The following CFAP74 variants were observed in gnomAD, a reference collection of about 807,000 sequenced individuals.
CFAP74 encodes cilia- and flagella-associated protein 74.
CFAP74 carries 124 observed loss-of-function variants against 188.9 expected under a neutral mutation model. The ratio of observed to expected loss-of-function variants is 0.66; its 90% CI spans 0.57 to 0.76. CFAP74 has a LOEUF of 0.76. Among genes scored for constraint, CFAP74 ranks in the 30% least tolerant of loss-of-function variants. The pLI, the probability that CFAP74 is intolerant of heterozygous loss-of-function variation, is 0.00. For missense variants in CFAP74, 2,198 were observed against 2,165.2 expected, an observed-to-expected ratio of 1.02 and a Z score of -0.30; for synonymous variants, 956 against 916.7, an observed-to-expected ratio of 1.04 and a Z score of -0.77.
intron 1 of CFAP74, among the ~76,000 whole-genome samples, chr1:1,992,596 C>A (rs1011142915): frequency 2.6e-4 from 40 of 151,814 alleles, no homozygotes; most frequent in Non-Finnish European, 5.1e-4. Context: ...GTCTCAGCCT[C>A]CCGAGTAGCT....
intron 18 of CFAP74, chr1:1,954,924 G>A (rs1331260255): frequency 1.7e-6 from 2 of 1,192,580 alleles, no homozygotes; most frequent in Non-Finnish European, 2.1e-6. Flanking sequence ...GCAACAGTGT[G>A]TACCACGAAC....
chr1:1,972,051 C>T lies in CFAP74; in HGVS notation c.817G>A (p.Glu273Lys). Reference sequence around the variant, plus strand: ...CGTCGCCTCATGTACTCGTGGCACTCCATCTCCTCCTTCTTCTCTTGCTCT... The same window carrying T: ...CGTCGCCTCATGTACTCGTGGCACTTCATCTCCTCCTTCTTCTCTTGCTCT... ...IREQEKKEEMECHEYMRRRMD... is the reference protein window; with the variant it reads ...IREQEKKEEMKCHEYMRRRMD... The change falls in exon 9 of 39, where the codon GAG becomes AAG. Residue 273 changes from glutamate (E) to lysine (K), a missense_variant. Coordinates refer to ENST00000682832, the MANE Select transcript of CFAP74 (RefSeq NM_001304360.2). The T allele has an allele frequency of 6.2e-7, 1 of 1,612,998 alleles. No homozygotes were observed. The highest frequency in any genetic ancestry group is 8.5e-7 in the Non-Finnish European group (1 of 1,179,938).
chr1:1,936,902 GT>G (rs1652934802), intron 25 of CFAP74, among the ~76,000 whole-genome samples: 2 of 102,326 alleles, frequency 2.0e-5, no homozygotes, highest in Non-Finnish European at 4.4e-5. Context: ...GCAAGACCCT[GT>G]CTCAAAAAAA....
intron 6 of CFAP74, among the ~76,000 whole-genome samples, chr1:1,982,298 C>T (rs533069096): frequency 4.4e-4 from 57 of 130,016 alleles, no homozygotes; most frequent in Non-Finnish European, 5.8e-4. Flanking sequence ...CGCGGGGACA[C>T]GCAGGACACC....
rs371291139 is a variant in CFAP74, at chr1:1,970,682, G to T, written c.1023C>A (p.Arg341=). The part of the protein sequence containing the change: ...AFRHLVHQRR[R]QELEAQKRAF... ...ACCTCTTCTGGGCCTCCAGCTCCTG[G>T]CGCCGGCGCTGGTGGACAAGGTGCC... The change falls in exon 10 of 39, where the codon CGC becomes CGA. Residue 341 remains arginine, a synonymous_variant. Transcript: ENST00000682832. The T allele has an allele frequency of 6.2e-7, 1 of 1,611,660 alleles. No individual in the cohort carries two copies. The highest frequency in any genetic ancestry group is 8.5e-7 in the Non-Finnish European group (1 of 1,179,054).
chr1:2,000,783 T>C (rs1335081418), intron 1 of CFAP74, among the ~76,000 whole-genome samples: 2 of 152,126 alleles, frequency 1.3e-5, no homozygotes, highest in Non-Finnish European at 2.9e-5. Flanking sequence ...TAGTATGTCC[T>C]CCTCTTAGCT....
chr1:1,978,876 G>A (rs1168805447), intron 6 of CFAP74, among the ~76,000 whole-genome samples: 4 of 152,268 alleles, frequency 2.6e-5, no homozygotes, highest in Admixed American at 1.3e-4. Context: ...GTGGCCAAGC[G>A]GGGTGCACAC....
chr1:1,926,801 C>T, intron 29 of CFAP74, 40 bp from the exon 30 acceptor site: 1 of 1,546,052 alleles, frequency 6.5e-7, no homozygotes, highest in Non-Finnish European at 8.7e-7. Context: ...GGTGGGCGGC[C>T]CCCTGCCCGC....
rs1656208557 is a variant in CFAP74, at chr1:1,973,128, G to A, written c.675-81C>T. On this transcript the variant is annotated intron_variant, in intron 7 of 38. Transcript: ENST00000682832. This position sits in a 1 kb window ranked among gnomAD's most constrained non-coding sequence, Gnocchi z 6.2. The stretch of plus-strand genomic sequence containing the variant: ...CCCAAGCCCTGCACGGCTGGAGCTC[G>A]TGTCCCAGAGACGCCGTGGGCCCTT... 8.9e-6 allele frequency: 9 copies of A among 1,005,596 alleles called. No individual in the cohort carries two copies. The highest frequency in any genetic ancestry group is 1.6e-5 in the African/African-American group (1 of 61,704). 62.3% of individuals were successfully genotyped at this position (1,005,596 alleles called of 1,614,324 possible).
At chr1:1,980,036 C>T (rs1312606466) in intron 6 of CFAP74, among the ~76,000 whole-genome samples, 4 of 151,426 alleles carry the variant, frequency 2.6e-5, no homozygotes, top group Middle Eastern at 3.4e-3. Flanking sequence ...AGGCTTCGGA[C>T]GGCGTCTGGC....
At chr1:1,993,909 G>C (rs867978838) in intron 1 of CFAP74, among the ~76,000 whole-genome samples, 1 of 150,496 alleles carries the variant, frequency 6.6e-6, no homozygotes, top group Non-Finnish European at 1.5e-5. Context: ...GTGAACCCGG[G>C]AGGCGGAGCT....
chr1:1,985,672 G>A (rs991291365), intron 5 of CFAP74, among the ~76,000 whole-genome samples, 182 bp from the exon 6 acceptor site: 1 of 152,254 alleles, frequency 6.6e-6, no homozygotes, highest in Non-Finnish European at 1.5e-5. Flanking sequence ...CCGCTGGGCA[G>A]GCAGTGCCCA....
rs948971135 is a variant in CFAP74, at chr1:1,939,676, A to AT, written c.2794dup (p.Ile932AsnfsTer3). The AT allele has an allele frequency of 3.3e-6, 5 of 1,535,936 alleles. No homozygotes were observed. The Admixed American group carries it at 9.8e-5, about 30-fold the overall frequency. On this transcript the variant is annotated frameshift_variant, in exon 24 of 39. Coordinates refer to ENST00000682832, the MANE Select transcript of CFAP74 (RefSeq NM_001304360.2). LOFTEE classifies it high-confidence loss of function. ...GATTTCCGTCCTGATGGCCTCATAG[A>AT]TGGTGCAGTAGCCAAAATCCACCTC... is the stretch of plus-strand genomic sequence containing the variant.
In CFAP74 at chr1:1,924,413, G is replaced by C; in HGVS notation, c.4212C>G (p.Pro1404=). ...QQQLPQFLSS[P]SQRTEVVGTQ... ...CACCGACCACCTCCGTCCTCTGGGA[G>C]GGCGAGCTGAGGAACTGCGGCAGCT... The change falls in exon 34 of 39, where the codon CCC becomes CCG. Residue 1404 remains proline, a synonymous_variant. Coordinates refer to ENST00000682832, the MANE Select transcript of CFAP74 (RefSeq NM_001304360.2). 1.3e-6 allele frequency: 2 copies of C among 1,515,714 alleles called. No homozygotes were observed. The highest frequency in any genetic ancestry group is 1.8e-6 in the Non-Finnish European group (2 of 1,138,364). 93.9% of individuals were successfully genotyped at this position (1,515,714 alleles called of 1,614,324 possible). A position where few individuals can be genotyped will look rare whatever the true frequency, so the allele number is the denominator to read the frequency against.
intron 20 of CFAP74, among the ~76,000 whole-genome samples, chr1:1,944,750 GC>G (rs1653634886): frequency 6.6e-6 from 1 of 152,140 alleles, no homozygotes; most frequent in Admixed American, 6.5e-5. Flanking sequence ...GGGATTACAG[GC>G]GCCCGCCACC....
rs369453819 is a variant in CFAP74 at position 1,973,023 on chromosome 1, C to T, written c.699G>A (p.Glu233=). 4.3e-6 allele frequency: 7 copies of T among 1,613,868 alleles called. No individual in the cohort carries two copies. The African/African-American group carries it at 9.3e-5, about 22-fold the overall frequency. ...GCAGCTTCTGGTGCCTGAGCCCGAG[C>T]TCCTTCTGGGTGTTCAGGGACTTCC... ...RIRKSLNTQK[E]LGLRHQKLLE... The change falls in exon 8 of 39, where the codon GAG becomes GAA. Residue 233 remains glutamate (E), a synonymous_variant. Transcript: ENST00000682832. This position sits in a 1 kb window ranked among gnomAD's most constrained non-coding sequence, Gnocchi z 6.2.
Position 1,988,579 on chromosome 1 carries a change from G to A in CFAP74, c.229C>T (p.Leu77=). The A allele has an allele frequency of 1.2e-6, 2 of 1,613,422 alleles. No homozygotes were observed. The highest frequency in any genetic ancestry group is 1.7e-6 in the Non-Finnish European group (2 of 1,180,024). Residue 77 remains leucine, a synonymous_variant, in exon 4 of 39, where the codon CTG becomes TTG. Coordinates refer to ENST00000682832, the MANE Select transcript of CFAP74 (RefSeq NM_001304360.2). ...TAEDRTQAFH[L]RQNLSALDKM... is the part of the protein sequence containing the mutation. ...TCCAGGGCGCTCAGGTTCTGCCGCAGGTGAAATGCCTGCGTTCTGTCCTCA... is the reference window on the plus strand; with the variant it reads ...TCCAGGGCGCTCAGGTTCTGCCGCAAGTGAAATGCCTGCGTTCTGTCCTCA...
chr1:1,969,355 G>A (rs910500544), intron 10 of CFAP74, among the ~76,000 whole-genome samples: 1 of 122,996 alleles, frequency 8.1e-6, no homozygotes, highest in Non-Finnish European at 1.7e-5. Context: ...GCCCAGCCCA[G>A]CCCAGACCTT....
chr1:1,987,629 C>A (rs1022896179), intron 4 of CFAP74, among the ~76,000 whole-genome samples: 7 of 151,784 alleles, frequency 4.6e-5, no homozygotes, highest in Non-Finnish European at 8.8e-5. Context: ...GCAACCTCCG[C>A]CCCCCAGGTT....
Sources: allele counts gnomAD v4.1 joint callset (sites outside exome capture counted in the v4.1 genomes callset), GRCh38; gene constraint gnomAD v4.1.1; non-coding constraint Gnocchi (gnomAD v3.1); transcripts MANE v1.5; gene names NCBI Gene and HGNC (gene_info 2026-07-23, HGNC 2026-07-21).